Variants in PLEC observed in about 807,000 individuals in gnomAD.
The protein encoded by PLEC is hemidesmosomal protein 1.
In PLEC, 216 loss-of-function variants were observed where a neutral mutation model predicts 392.8. That is an observed-to-expected ratio of 0.55 (90% CI 0.49 to 0.62). The LOEUF (loss-of-function observed/expected upper bound fraction) is 0.62, where lower values mean the gene tolerates loss of function less well. Ranked by LOEUF, PLEC falls within the 20% of genes least tolerant of loss-of-function variation. The probability of loss-of-function intolerance (pLI) is 0.00; values close to 1 mark genes in which losing one functional copy is unlikely to be tolerated. For synonymous variants in PLEC, 3,621 were observed against 2,980.6 expected, an observed-to-expected ratio of 1.21 and a Z score of -7.00; for missense variants, 6,863 against 6,563.4, an observed-to-expected ratio of 1.05 and a Z score of -1.58.
rs1255735378 is a variant in PLEC, at chr8:143,939,573, C to CG, written c.-113dup. The stretch of plus-strand genomic sequence containing the variant: ...CTGGCGGCCCCACGAGACGCTCACT[C>CG]GGCACAGGCTCAGCTCAGAGCCCCA... On this transcript the variant is annotated 5_prime_UTR_variant, in exon 1 of 32. Coordinates refer to ENST00000345136, the MANE Select transcript of PLEC (RefSeq NM_201384.3). 2.6e-6 allele frequency: 4 copies of CG among 1,524,868 alleles called. No homozygotes were observed. In the Admixed American group the frequency reaches 7.9e-5, roughly 30 times the overall value. The allele number at this position is 1,524,868 out of a possible 1,614,324, so 94.5% of individuals were successfully genotyped here.
Position 143,920,048 on chromosome 8 carries a change from C to A in PLEC, c.9773G>T (p.Ser3258Ile). The A allele has an allele frequency of 6.2e-7, 1 of 1,613,318 alleles. No individual in the cohort carries two copies. The highest frequency in any genetic ancestry group is 1.1e-5 in the South Asian group (1 of 91,090). ...GRTVTVWELI[S>I]SEYFTAEQRQ... ...CTGCTCCGCAGTGAAGTACTCAGAG[C>A]TGATGAGCTCCCACACCGTCACCGT... The change falls in exon 32 of 32, where the codon AGC (serine) becomes ATC (isoleucine). Residue 3258 changes from serine (S) to isoleucine (I), a missense_variant. Physicochemically the swap from Ser to Ile is moderately radical, Grantham distance 142. Coordinates refer to ENST00000345136, the MANE Select transcript of PLEC (RefSeq NM_201384.3).
intron 1 of PLEC, among the ~76,000 whole-genome samples, chr8:143,967,857 C>T (rs551176081): frequency 2.6e-5 from 4 of 152,206 alleles, no homozygotes; most frequent in Non-Finnish European, 2.9e-5. Context: ...TCAGGCCAGG[C>T]GCGGTGGCTC....
At position 143,917,339 on chromosome 8, in the gene PLEC, C is replaced by T; in HGVS notation, c.12482G>A (p.Gly4161Asp). ...EMSVYEAYRK[G>D]LIDHQTYLEL... ...CAGGTACGTCTGGTGGTCAATCAGG[C>T]CCTTGCGGTAGGCCTCGTACACTGA... Residue 4161 changes from glycine (G) to aspartate (D), a missense_variant, in exon 32 of 32, where the codon GGC (glycine) becomes GAC (aspartate). Physicochemically the swap from Gly to Asp is moderately conservative, Grantham distance 94. Transcript: ENST00000345136. 4 of 1,610,084 alleles carry T rather than the reference C, an allele frequency of 2.5e-6. No homozygotes were observed. The highest frequency in any genetic ancestry group is 2.5e-6 in the Non-Finnish European group (3 of 1,179,942).
In PLEC at chr8:143,927,941, C is replaced by A. The variant is rs1554709028; in HGVS notation, c.3312G>T (p.Val1104=). 1 of 1,603,890 alleles carries A rather than the reference C, an allele frequency of 6.2e-7. No individual in the cohort carries two copies. Among genetic ancestry groups the A allele is most frequent in the Non-Finnish European group, 8.5e-7 (1 of 1,175,492 alleles). Reference sequence around the variant, plus strand: ...TGAGCTGCTCCTCGTGGGCCCTGAGCACCTCCTCGGCCCCCTGCGTGCCGC... The same window carrying A: ...TGAGCTGCTCCTCGTGGGCCCTGAGAACCTCCTCGGCCCCCTGCGTGCCGC... ...VIRGTQGAEE[V]LRAHEEQLKE... Residue 1104 remains valine (V), a synonymous_variant, in exon 26 of 32, where the codon GTG becomes GTT. Coordinates refer to ENST00000345136, the MANE Select transcript of PLEC (RefSeq NM_201384.3).
chr8:143,946,089 A>T, intron 1 of PLEC, among the ~76,000 whole-genome samples: 1 of 152,270 alleles, frequency 6.6e-6, no homozygotes. Flanking sequence ...GGCCTGGGTG[A>T]GAACCAGCTC....
In PLEC at chr8:143,917,895, C is replaced by T. The variant is rs782422260; in HGVS notation, c.11926G>A (p.Val3976Ile). The change falls in exon 32 of 32, where the codon GTC becomes ATC. Residue 3976 changes from valine (V) to isoleucine (I), a missense_variant. Physicochemically the swap from Val to Ile is conservative, Grantham distance 29. Transcript: ENST00000345136. Reference sequence around the variant, plus strand: ...TTCAGTCCCTTGATGGGGTCGATGACGTAACCGGTGGCCGCCTGCGCCTCC... The same window carrying T: ...TTCAGTCCCTTGATGGGGTCGATGATGTAACCGGTGGCCGCCTGCGCCTCC... ...LLEAQAATGY[V>I]IDPIKGLKLT... 60 of 1,612,912 alleles carry T rather than the reference C, an allele frequency of 3.7e-5. No individual in the cohort carries two copies. Among genetic ancestry groups the T allele is most frequent in the African/African-American group, 1.2e-4 (9 of 74,900 alleles).
chr8:143,967,386 AAAAGAAAC>A (rs1833162909), intron 1 of PLEC, among the ~76,000 whole-genome samples: 1 of 151,192 alleles, frequency 6.6e-6, no homozygotes, highest in African/African-American at 2.4e-5. Context: ...AAAAAAAAAA[AAAAGAAAC>A]AGACAGAATT....
intron 5 of PLEC, 43 bp downstream of exon 5, chr8:143,936,936 A>G (rs782007607): frequency 6.8e-7 from 1 of 1,468,812 alleles, no homozygotes; most frequent in South Asian, 1.1e-5. Flanking sequence ...GCTACCCTGG[A>G]AACTCCTGCA....
rs1006991858 is a variant in PLEC, at chr8:143,927,777, C to A, written c.3400-11G>T. The A allele has an allele frequency of 6.3e-7, 1 of 1,599,320 alleles. No individual in the cohort carries two copies. Among genetic ancestry groups the A allele is most frequent in the African/African-American group, 1.3e-5 (1 of 74,634 alleles). On this transcript the variant is annotated splice_polypyrimidine_tract_variant and intron_variant, in intron 26 of 31. Transcript: ENST00000345136. ...CTGGGCCCGCAGCTTCTGTTGGGGA[C>A]AGGAGGGACATGTGCGGCTTCAGCT...
Position 143,950,263 on chromosome 8 carries a change from C to T in PLEC, c.444G>A (p.Val148=), listed in dbSNP as rs1831991791. ...CAGGCACCACAGGGGTCTCAGGTGA[C>T]ACCTCCTCAAGCTCCTTCCGACGGT... Residue 148 remains valine, a synonymous_variant, in exon 1 of 32, where the codon GTG becomes GTA. Transcript: ENST00000322810. 3.8e-6 allele frequency: 6 copies of T among 1,571,496 alleles called. No individual in the cohort carries two copies. In the Admixed American group the frequency reaches 9.3e-5, roughly 24 times the overall value.
upstream of PLEC, among the ~76,000 whole-genome samples, chr8:143,951,687 C>T (rs1554736707): frequency 1.3e-5 from 2 of 152,162 alleles, no homozygotes; most frequent in Admixed American, 6.5e-5. Flanking sequence ...AGAAAGTCAC[C>T]GAGTCCCTAC....
chr8:143,921,463 G>A lies in PLEC; in HGVS notation c.8358C>T (p.Ile2786=). 1 of 1,613,298 alleles carries A rather than the reference G, an allele frequency of 6.2e-7. No homozygotes were observed. Among genetic ancestry groups the A allele is most frequent in the Non-Finnish European group, 8.5e-7 (1 of 1,179,856 alleles). The change falls in exon 32 of 32, where the codon ATC becomes ATT. Residue 2786 remains isoleucine (I), a synonymous_variant. Transcript: ENST00000345136. ...GYKDPYTGQQ[I]SLFQAMQKGL... ...CCTTCTGCATGGCTTGGAAGAGAGA[G>A]ATCTGCTGGCCAGTGTAGGGGTCCT...
chr8:143,934,646 G>A lies in PLEC; in HGVS notation c.1030C>T (p.Gln344Ter). Residue 344 changes from glutamine (Q) to a stop codon, truncating the protein, a stop_gained, in exon 10 of 32, where the codon CAA (glutamine) becomes TAA (stop). Transcript: ENST00000345136. LOFTEE classifies it high-confidence loss of function. The part of the protein sequence containing the change: ...ADKNRSKGIY[Q>*]SLEGAVQAGQ... ...GCGGTCCCACTCACCTCCAGGGATT[G>A]GTAGATGCCCTTGGACCTGTTCTTG... 1 of 1,613,038 alleles carries A rather than the reference G, an allele frequency of 6.2e-7. No individual in the cohort carries two copies. The highest frequency in any genetic ancestry group is 8.5e-7 in the Non-Finnish European group (1 of 1,179,770).
chr8:143,969,177 G>A lies in PLEC; in HGVS notation c.70+4226C>T, dbSNP rs544249203. The stretch of plus-strand genomic sequence containing the variant: ...CACACCACGGAACCGACTCCAGCGG[G>A]GGGAGGGTGAGGTGCTGATGGCGCG... On this transcript the variant is annotated intron_variant, in intron 1 of 31. Transcript: ENST00000356346. This position sits in a 1 kb window ranked among gnomAD's most constrained non-coding sequence, Gnocchi z 5.1. Among the ~76,000 whole-genome samples the A allele has an allele frequency of 1.1e-3, 169 of 152,350 alleles. 1 individual carries two copies. The highest frequency in any genetic ancestry group is 3.9e-3 in the African/African-American group (162 of 41,580).
rs1828949886 is a variant in PLEC at position 143,936,001 on chromosome 8, T to A, written c.449A>T (p.Gln150Leu). The A allele has an allele frequency of 6.2e-7, 1 of 1,612,054 alleles. No homozygotes were observed. Among genetic ancestry groups the A allele is most frequent in the Non-Finnish European group, 8.5e-7 (1 of 1,179,936 alleles). Residue 150 changes from glutamine to leucine, a missense_variant, in exon 6 of 32, where the codon CAG becomes CTG. Coordinates refer to ENST00000345136, the MANE Select transcript of PLEC (RefSeq NM_201384.3). The part of the protein sequence containing the change: ...IILHFQISDI[Q>L]VSGQSEDMTA... ...CATGTCCTCCGACTGCCCACTCACCTGGATATCTGAGATCTGCTCACAGCA... is the reference window on the plus strand; with the variant it reads ...CATGTCCTCCGACTGCCCACTCACCAGGATATCTGAGATCTGCTCACAGCA...
chr8:143,932,268 G>GGCCACACCCGGCTCT, intron 16 of PLEC, 34 bp from the exon 17 acceptor site: 1 of 1,609,052 alleles, frequency 6.2e-7, no homozygotes, highest in Non-Finnish European at 8.5e-7. Flanking sequence ...AGGGACGGCC[G>GGCCACACCCGGCTCT]GCCACACCCG....
In PLEC at chr8:143,921,987, A is replaced by G. The variant is rs544416527; in HGVS notation, c.7834T>C (p.Ser2612Pro). 2 of 1,598,636 alleles carry G rather than the reference A, an allele frequency of 1.3e-6. No individual in the cohort carries two copies. Among genetic ancestry groups the G allele is most frequent in the South Asian group, 2.2e-5 (2 of 91,030 alleles). The change falls in exon 32 of 32, where the codon TCA becomes CCA. Residue 2612 changes from serine to proline, a missense_variant. Coordinates refer to ENST00000345136, the MANE Select transcript of PLEC (RefSeq NM_201384.3). ...ACCTGCGAGGCAGTGACCTCCTCTG[A>G]GTGCGCCAGCGCGGCCCGGTGCTGC... The part of the protein sequence containing the change: ...EEQHRAALAH[S>P]EEVTASQVAA...
In PLEC at chr8:143,929,729, C is replaced by T; in HGVS notation, c.2840G>A (p.Gly947Glu). ...LRDSQDAGGF[G>E]PEDRLMAERE... ...CTCAGCCATCAGCCGGTCCTCGGGT[C>T]CGAAGCCGCCCGCGTCCTGGCTGTC... The change falls in exon 23 of 32, where the codon GGA (glycine) becomes GAA (glutamate). Residue 947 changes from glycine (G) to glutamate (E), a missense_variant. Physicochemically the swap from Gly to Glu is moderately conservative, Grantham distance 98. Coordinates refer to ENST00000345136, the MANE Select transcript of PLEC (RefSeq NM_201384.3). The T allele has an allele frequency of 2.5e-6, 4 of 1,599,246 alleles. No homozygotes were observed. Among genetic ancestry groups the T allele is most frequent in the Non-Finnish European group, 3.4e-6 (4 of 1,179,068 alleles).
intron 1 of PLEC, 86 bp from the exon 2 acceptor site, chr8:143,938,778 GCTGGCCAGGT>G (rs1314911252): frequency 8.3e-7 from 1 of 1,200,718 alleles, no homozygotes; most frequent in Non-Finnish European, 1.2e-6. Flanking sequence ...CAGCAGCCTG[GCTGGCCAGGT>G]CCTGCCTGGG....
Sources: allele counts gnomAD v4.1 joint callset (sites outside exome capture counted in the v4.1 genomes callset), GRCh38; gene constraint gnomAD v4.1.1; non-coding constraint Gnocchi (gnomAD v3.1); transcripts MANE v1.5; gene names NCBI Gene and HGNC (gene_info 2026-07-23, HGNC 2026-07-21).